Variants in CLMP observed in about 807,000 individuals in gnomAD.
The protein encoded by CLMP is CXADR like cell adhesion molecule.
In CLMP, 27 loss-of-function variants were observed where a neutral mutation model predicts 45.2. That is an observed-to-expected ratio of 0.60 (90% confidence interval 0.44 to 0.82). CLMP has a LOEUF of 0.82. Ranked by LOEUF, CLMP falls within the 40% of genes least tolerant of loss-of-function variation. CLMP has a pLI of 0.00. For missense variants in CLMP, 403 were observed against 448.4 expected (o/e 0.90, Z 0.91); for synonymous variants, 167 against 171.4 (o/e 0.97, Z 0.20).
At chr11:123,150,628 AAGG>A (rs1565397811) in intron 1 of CLMP, among the ~76,000 whole-genome samples, 1 of 150,376 alleles carries the variant, frequency 6.6e-6, no homozygotes, top group African/African-American at 2.5e-5. Context: ...GAAGGAAAGG[AAGG>A]AAGGAAGGAA....
chr11:123,085,605 A>G (rs1189588150), intron 2 of CLMP, among the ~76,000 whole-genome samples: 1 of 151,190 alleles, frequency 6.6e-6, no homozygotes, highest in Non-Finnish European at 1.5e-5. Context: ...TAAAAAAAAA[A>G]AAAAAAAAAA....
intron 2 of CLMP, among the ~76,000 whole-genome samples, chr11:123,096,191 T>TA (rs371249941): frequency 3.7e-4 from 57 of 152,106 alleles, no homozygotes; most frequent in African/African-American, 1.3e-3. Context: ...CAATCTCTAC[T>TA]AAAAAAACAA....
At chr11:123,157,889 G>A (rs112795289) in intron 1 of CLMP, among the ~76,000 whole-genome samples, 316 of 152,086 alleles carry the variant, frequency 2.1e-3, no homozygotes, top group African/African-American at 7.0e-3. Flanking sequence ...GTTGGGGGCC[G>A]TTTTCTTCTT....
chr11:123,190,669 T>C (rs1861896519), intron 1 of CLMP, among the ~76,000 whole-genome samples: 1 of 152,180 alleles, frequency 6.6e-6, no homozygotes, highest in South Asian at 2.1e-4. Flanking sequence ...ACTGCAGAGT[T>C]CCTAGGACTT....
At chr11:123,139,722 G>A (rs1237357545) in intron 1 of CLMP, among the ~76,000 whole-genome samples, 6 of 152,102 alleles carry the variant, frequency 3.9e-5, no homozygotes, top group South Asian at 2.1e-4. Context: ...AGGCTGAGGC[G>A]GAAGAATTGT....
At chr11:123,088,922 C>A (rs1865895768) in intron 2 of CLMP, among the ~76,000 whole-genome samples, 1 of 152,198 alleles carries the variant, frequency 6.6e-6, no homozygotes, top group Non-Finnish European at 1.5e-5. Flanking sequence ...TGGCGCCCAG[C>A]TGCTTGTTTA....
intron 4 of CLMP, 121 bp from the exon 5 acceptor site, chr11:123,083,328 G>A: frequency 9.8e-7 from 1 of 1,022,592 alleles, no homozygotes; most frequent in Non-Finnish European, 1.4e-6. Context: ...TGAAATGATG[G>A]AAAAGATATC....
chr11:123,186,006 CCTGT>C (rs773593698), intron 1 of CLMP, among the ~76,000 whole-genome samples: 11 of 152,140 alleles, frequency 7.2e-5, no homozygotes, highest in African/African-American at 2.2e-4. Flanking sequence ...TCAGTGGCCT[CCTGT>C]CTGTCTGTGT....
chr11:123,153,447 G>A (rs985848617), intron 1 of CLMP, among the ~76,000 whole-genome samples: 3 of 152,138 alleles, frequency 2.0e-5, no homozygotes, highest in Non-Finnish European at 4.4e-5. Context: ...CCCAAGTATG[G>A]AAAAGACAAA....
At position 123,072,798 on chromosome 11, in the gene CLMP, A is replaced by G. The variant is rs894103985; in HGVS notation, c.*676T>C. 9.2e-5 allele frequency: 14 copies of G among 152,160 alleles called. No homozygotes were observed. Among genetic ancestry groups the G allele is most frequent in the African/African-American group, 3.1e-4 (13 of 41,458 alleles). 9.4% of individuals were successfully genotyped at this position (152,160 alleles called of 1,614,324 possible). On this transcript the variant is annotated 3_prime_UTR_variant, in exon 7 of 7. Transcript: ENST00000448775. Reference sequence around the variant, plus strand: ...TTGTCACAAATTTTTGTCTCCTTTCATAGTTATTTTGGGCTCAATACAAAT... The same window carrying G: ...TTGTCACAAATTTTTGTCTCCTTTCGTAGTTATTTTGGGCTCAATACAAAT...
At chr11:123,103,700 T>TTTTC (rs780440541) in intron 1 of CLMP, among the ~76,000 whole-genome samples, 6 of 151,286 alleles carry the variant, frequency 4.0e-5, no homozygotes, top group Admixed American at 2.6e-4. Flanking sequence ...GTCCCTTTTT[T>TTTTC]TTTCTTTCTT....
At chr11:123,136,561 T>C (rs1861074684) in intron 1 of CLMP, among the ~76,000 whole-genome samples, 1 of 54,022 alleles carries the variant, frequency 1.9e-5, no homozygotes, top group South Asian at 7.4e-4. Flanking sequence ...TTTTAAGTAA[T>C]TTTTTTTTTT....
chr11:123,081,298 T>C (rs1355335228), intron 5 of CLMP, among the ~76,000 whole-genome samples: 1 of 152,176 alleles, frequency 6.6e-6, no homozygotes, highest in Non-Finnish European at 1.5e-5. Flanking sequence ...AAGATTAATA[T>C]CCATGCCCTG....
chr11:123,162,030 A>T (rs1861494261), intron 1 of CLMP, among the ~76,000 whole-genome samples: 1 of 152,264 alleles, frequency 6.6e-6, no homozygotes, highest in African/African-American at 2.4e-5. Context: ...AACAGGAAAG[A>T]TGCAGAGATG....
intron 1 of CLMP, among the ~76,000 whole-genome samples, chr11:123,125,450 C>T: frequency 7.2e-6 from 1 of 138,226 alleles, no homozygotes. Context: ...ACTCACTCTC[C>T]CTTCCCTCCC....
intron 1 of CLMP, among the ~76,000 whole-genome samples, chr11:123,128,755 A>T (rs1381672635): frequency 6.6e-6 from 1 of 152,216 alleles, no homozygotes; most frequent in African/African-American, 2.4e-5. Context: ...CTTTTTCTCA[A>T]ATTGAATATT....
chr11:123,132,345 A>G (rs1479090195), intron 1 of CLMP, among the ~76,000 whole-genome samples: 2 of 152,214 alleles, frequency 1.3e-5, no homozygotes, highest in African/African-American at 2.4e-5. Context: ...GAAGGCCCAC[A>G]TGGAGATGGC....
chr11:123,132,222 G>A lies in CLMP; in HGVS notation c.29-34270C>T, dbSNP rs1235327351. ...GGATATGATTCCTAACTTCCTGCAG[G>A]CTGATTCAGTCCCATGCCAGGGCAC... On this transcript the variant is annotated intron_variant, in intron 1 of 6. Transcript: ENST00000448775. 2.0e-5 allele frequency among the ~76,000 whole-genome samples: 3 copies of A among 152,198 alleles called. No homozygotes were observed. The East Asian group carries it at 5.8e-4, about 29-fold the overall frequency.
rs1200530138 is a variant in CLMP, at chr11:123,073,461, A to C, written c.*13T>G. On this transcript the variant is annotated 3_prime_UTR_variant, in exon 7 of 7. Transcript: ENST00000448775. ...GACTCCTAGGAAAGCGTGGGAGTCA[A>C]GTCCATTGTAATTCAGACCGTTTGG... The C allele has an allele frequency of 1.3e-6, 2 of 1,594,386 alleles. No individual in the cohort carries two copies. Among genetic ancestry groups the C allele is most frequent in the African/African-American group, 2.7e-5 (2 of 74,360 alleles).
Sources: gnomAD v4.1 joint callset for allele counts (sites outside exome capture counted in the v4.1 genomes callset) on GRCh38, gnomAD v4.1.1 for gene constraint, MANE v1.5 for transcripts, NCBI Gene and HGNC (gene_info 2026-07-23, HGNC 2026-07-21) for gene names.